CHL1: variants seen among roughly 807,000 people sequenced by gnomAD.
The protein encoded by CHL1 is cell adhesion molecule L1 like.
Under a neutral mutation model 141.9 loss-of-function variants are expected in CHL1, and 96 were observed. The ratio of observed to expected loss-of-function variants is 0.68; its 90% confidence interval spans 0.57 to 0.80. CHL1 has a LOEUF of 0.80. Ranked by LOEUF, CHL1 falls within the 30% of genes least tolerant of loss-of-function variation. The pLI, the probability that CHL1 is intolerant of heterozygous loss-of-function variation, is 0.00. For missense variants in CHL1, 1,820 were observed against 1,457.2 expected (o/e 1.25, Z -4.05); for synonymous variants, 613 against 502.2 (o/e 1.22, Z -2.95).
At chr3:325,136 C>T in intron 3 of CHL1, among the ~76,000 whole-genome samples, 1 of 148,332 alleles carries the variant, frequency 6.7e-6, no homozygotes, top group Admixed American at 6.7e-5. Context: ...AAACACTAAA[C>T]AAGCCCATGA....
Position 398,209 on chromosome 3 carries a change from A to C in CHL1, c.3095-18A>C. On this transcript the variant is annotated intron_variant, in intron 24 of 27. Transcript: ENST00000256509. Reference sequence around the variant, plus strand: ...CCATGATTACAATTCACATGATTTAACTGTGTACATTTCTTAGGTAAAGGT... The same window carrying C: ...CCATGATTACAATTCACATGATTTACCTGTGTACATTTCTTAGGTAAAGGT... 6.5e-7 allele frequency: 1 copy of C among 1,546,670 alleles called. No homozygotes were observed. Among genetic ancestry groups the C allele is most frequent in the South Asian group, 1.2e-5 (1 of 82,254 alleles).
intron 5 of CHL1, among the ~76,000 whole-genome samples, chr3:339,307 G>T (rs1471034698): frequency 6.6e-6 from 1 of 152,148 alleles, no homozygotes; most frequent in Admixed American, 6.5e-5. Flanking sequence ...AATCAAAGCC[G>T]AGGCTTTACC....
chr3:395,178 T>C (rs1486921015), intron 24 of CHL1, among the ~76,000 whole-genome samples: 4 of 152,232 alleles, frequency 2.6e-5, no homozygotes, highest in Admixed American at 2.6e-4. Context: ...GTCACAAAGC[T>C]ATTCAAAAGG....
intron 2 of CHL1, among the ~76,000 whole-genome samples, chr3:299,787 G>C (rs1698556253): frequency 6.6e-6 from 1 of 152,150 alleles, no homozygotes; most frequent in Non-Finnish European, 1.5e-5. Context: ...AGGACAATTA[G>C]TCATCATTCA....
At chr3:315,022 G>T (rs1315059026) in intron 2 of CHL1, among the ~76,000 whole-genome samples, 1 of 151,984 alleles carries the variant, frequency 6.6e-6, no homozygotes, top group African/African-American at 2.4e-5. Flanking sequence ...CCTTTATTTT[G>T]TAAGTTGTTA....
chr3:317,819 G>A (rs1411509006), intron 2 of CHL1, among the ~76,000 whole-genome samples: 1 of 151,808 alleles, frequency 6.6e-6, no homozygotes, highest in East Asian at 1.9e-4. Context: ...TTTTTATAAT[G>A]AAAGCATTTT....
chr3:376,374 A>G (rs777196672), intron 15 of CHL1: 9 of 516,428 alleles, frequency 1.7e-5, no homozygotes, highest in South Asian at 1.3e-4. Context: ...CTCCAAATGT[A>G]CTGATTTGGA....
intron 1 of CHL1, among the ~76,000 whole-genome samples, chr3:236,879 C>G (rs568337358): frequency 1.7e-5 from 2 of 118,336 alleles, no homozygotes; most frequent in East Asian, 2.5e-4. Flanking sequence ...TAATCATAGA[C>G]TTTTAGGGCA....
intron 19 of CHL1, chr3:384,658 C>CAGT (rs1707458827): frequency 6.6e-6 from 1 of 152,030 alleles, no homozygotes; most frequent in African/African-American, 2.4e-5. Flanking sequence ...ATTTAATGAC[C>CAGT]AGTATATTGG....
rs141032064 is a variant in CHL1 at position 390,750 on chromosome 3, A to G, written c.2520A>G (p.Thr840=). The G allele has an allele frequency of 2.1e-4, 344 of 1,612,228 alleles. No individual in the cohort carries two copies. The highest frequency in any genetic ancestry group is 2.7e-4 in the Non-Finnish European group (316 of 1,178,394). The change falls in exon 21 of 28, where the codon ACA becomes ACG. Residue 840 remains threonine, a synonymous_variant. Coordinates refer to ENST00000256509, the MANE Select transcript of CHL1 (RefSeq NM_006614.4). ...ATGGGGTGGACGTTATAAACAGTAC[A>G]TTAGTTAAAGTTACCTGGTCAACAG... The part of the protein sequence containing the change: ...VIHGVDVINS[T]LVKVTWSTVP...
intron 1 of CHL1, among the ~76,000 whole-genome samples, chr3:240,495 G>A (rs12491630): frequency 0.46 from 69,197 of 152,036 alleles, 17,283 homozygotes; most frequent in Non-Finnish European, 0.55. Context: ...GATTCTGGAT[G>A]TCAGTCCTTT....
At chr3:240,286 A>T (rs1332973585) in intron 1 of CHL1, among the ~76,000 whole-genome samples, 1 of 152,068 alleles carries the variant, frequency 6.6e-6, no homozygotes, top group African/African-American at 2.4e-5. Context: ...CATTATGGCC[A>T]TTCTTGCAGG....
In CHL1 at chr3:406,552, C is replaced by A. The variant is rs1001468928; in HGVS notation, c.*841C>A. ...TCATTTCTAAATTGACTGCTTTTAC[C>A]TTTTTCTCATGTTTATATAATGGTA... On this transcript the variant is annotated 3_prime_UTR_variant, in exon 28 of 28. Transcript: ENST00000256509. The A allele has an allele frequency of 1.3e-5, 2 of 151,858 alleles. No homozygotes were observed. The highest frequency in any genetic ancestry group is 4.8e-5 in the African/African-American group (2 of 41,344). The allele number at this position is 151,858 out of a possible 1,614,324, so 9.4% of individuals were successfully genotyped here. A position where few individuals can be genotyped will look rare whatever the true frequency, so the allele number is the denominator to read the frequency against.
intron 2 of CHL1, among the ~76,000 whole-genome samples, chr3:291,697 C>T (rs937284269): frequency 6.6e-6 from 1 of 151,764 alleles, no homozygotes; most frequent in Admixed American, 6.6e-5. Context: ...TTTTTTTTCT[C>T]ATTTTTTTAA....
chr3:370,960 C>G (rs1705555680), intron 15 of CHL1, among the ~76,000 whole-genome samples: 1 of 152,098 alleles, frequency 6.6e-6, no homozygotes. Context: ...GCATTGTGGT[C>G]TGAGAGACGG....
chr3:278,000 G>A (rs1325355867), intron 2 of CHL1, among the ~76,000 whole-genome samples: 2 of 152,230 alleles, frequency 1.3e-5, no homozygotes, highest in Non-Finnish European at 1.5e-5. Flanking sequence ...AGGCAGGAAT[G>A]TGGAGTGTGT....
chr3:201,841 C>T (rs879336855), intron 1 of CHL1, among the ~76,000 whole-genome samples: 4 of 152,200 alleles, frequency 2.6e-5, no homozygotes, highest in Non-Finnish European at 4.4e-5. Context: ...TGTTGCCCAT[C>T]TTCTGATTCA....
Position 335,413 on chromosome 3 carries a change from A to C in CHL1, c.386-5381A>C, listed in dbSNP as rs145783401. ...GCCAGTGTTATTTCTCTGTAGTCCTAAGTGGATTAATGGGATGTTCTGCAG... is the reference window on the plus strand; with the variant it reads ...GCCAGTGTTATTTCTCTGTAGTCCTCAGTGGATTAATGGGATGTTCTGCAG... On this transcript the variant is annotated intron_variant, in intron 5 of 27. Coordinates refer to ENST00000256509, the MANE Select transcript of CHL1 (RefSeq NM_006614.4). 3.9e-5 allele frequency among the ~76,000 whole-genome samples: 6 copies of C among 152,314 alleles called. No individual in the cohort carries two copies. The East Asian group carries it at 1.2e-3, about 29-fold the overall frequency.
At chr3:259,270 A>G (rs1469855753) in intron 2 of CHL1, among the ~76,000 whole-genome samples, 1 of 151,652 alleles carries the variant, frequency 6.6e-6, no homozygotes, top group African/African-American at 2.4e-5. Context: ...GTGTGTGTGC[A>G]CACGTGCGTG....
Sources: allele counts gnomAD v4.1 joint callset (sites outside exome capture counted in the v4.1 genomes callset), GRCh38; gene constraint gnomAD v4.1.1; transcripts MANE v1.5; gene names NCBI Gene and HGNC (gene_info 2026-07-23, HGNC 2026-07-21).